POM121C: variants seen among roughly 807,000 people sequenced by gnomAD.
POM121C encodes the protein POM121 transmembrane nucleoporin C, also known as nuclear envelope pore membrane protein POM 121C.
A neutral mutation model predicts 66.4 loss-of-function variants in POM121C; 20 were observed. That is an observed-to-expected ratio of 0.30 (90% CI 0.21 to 0.44). The LOEUF (loss-of-function observed/expected upper bound fraction) is 0.44. POM121C is among the 20% of genes least tolerant of loss of function. The pLI is 1.00. For missense variants in POM121C, 580 were observed against 1,225.7 expected (o/e 0.47, Z 7.87); for synonymous variants, 286 against 528.0 (o/e 0.54, Z 6.28).
intron 7 of POM121C, among the ~76,000 whole-genome samples, chr7:75,432,249 A>G (rs1284013208): frequency 6.6e-6 from 1 of 151,986 alleles, no homozygotes; most frequent in Non-Finnish European, 1.5e-5. Context: ...TACTTTATGT[A>G]TACCGAAAGA....
At chr7:75,442,301 G>A (rs1790683722) in intron 3 of POM121C, 2 of 1,442,714 alleles carry the variant, frequency 1.4e-6, no homozygotes, top group Non-Finnish European at 1.8e-6. Context: ...CTGGCCCTCC[G>A]GAGCGGGGGC....
intron 3 of POM121C, among the ~76,000 whole-genome samples, chr7:75,474,170 G>C (rs1554479038): frequency 1.3e-5 from 2 of 152,090 alleles, no homozygotes; most frequent in African/African-American, 4.8e-5. Flanking sequence ...GAGGTGGGTG[G>C]ATCACTTGAG....
At chr7:75,476,302 A>G (rs1792073698) in intron 1 of POM121C, among the ~76,000 whole-genome samples, 2 of 151,726 alleles carry the variant, frequency 1.3e-5, no homozygotes, top group Non-Finnish European at 2.9e-5. Flanking sequence ...AAAAAAAAAA[A>G]AAAAGAAAAA....
Position 75,424,092 on chromosome 7 carries a change from G to A in POM121C, c.1005C>T (p.Ser335=). 6.2e-7 allele frequency: 1 copy of A among 1,611,890 alleles called. No homozygotes were observed. The highest frequency in any genetic ancestry group is 8.5e-7 in the Non-Finnish European group (1 of 1,179,842). The part of the protein sequence containing the change: ...LAPSTNPLLE[S]LKKMQTPPSL... Reference sequence around the variant, plus strand: ...TCGGGGGAGTCTGCATCTTCTTCAAGCTCTCTAACAGTGGGTTGGTGCTTG... The same window carrying A: ...TCGGGGGAGTCTGCATCTTCTTCAAACTCTCTAACAGTGGGTTGGTGCTTG... The change falls in exon 12 of 15, where the codon AGC becomes AGT. Residue 335 remains serine (S), a synonymous_variant. Coordinates refer to ENST00000615331, the MANE Select transcript of POM121C (RefSeq NM_001099415.3).
intron 3 of POM121C, among the ~76,000 whole-genome samples, chr7:75,469,648 C>T (rs1198610067): frequency 6.6e-6 from 1 of 152,212 alleles, no homozygotes; most frequent in Non-Finnish European, 1.5e-5. Context: ...AAAGACAATC[C>T]TTATGATCCT....
intron 3 of POM121C, among the ~76,000 whole-genome samples, chr7:75,473,035 CAAAG>C (rs1328424780): frequency 1.3e-5 from 2 of 152,048 alleles, no homozygotes; most frequent in African/African-American, 2.4e-5. Context: ...TCACAGAAGA[CAAAG>C]AACACAAACC....
At position 75,419,403 on chromosome 7, in the gene POM121C, G is replaced by C. The variant is rs1554470291; in HGVS notation, c.2783C>G (p.Pro928Arg). 1 of 1,613,836 alleles carries C rather than the reference G, an allele frequency of 6.2e-7. No individual in the cohort carries two copies. Among genetic ancestry groups the C allele is most frequent in the South Asian group, 1.1e-5 (1 of 91,056 alleles). The change falls in exon 14 of 15, where the codon CCT becomes CGT. Residue 928 changes from proline to arginine, a missense_variant. Pro to Arg is a moderately radical substitution (Grantham distance 103, BLOSUM62 -2). Transcript: ENST00000615331. ...GCTGCTGCCCGATGTGCCCACTCCA[G>C]GCGCAGGGGTGTTCTGACCAAAGGT... The part of the protein sequence containing the change: ...TPTFGQNTPA[P>R]GVGTSGSSLS...
chr7:75,452,303 C>G (rs1791047683), intron 3 of POM121C, among the ~76,000 whole-genome samples: 1 of 151,442 alleles, frequency 6.6e-6, no homozygotes, highest in South Asian at 2.1e-4. Flanking sequence ...ACTAAAAATA[C>G]AAAAAATTTA....
In POM121C at chr7:75,418,665, C is replaced by G. The variant is rs1789569316; in HGVS notation, c.*131G>C. 8.7e-6 allele frequency: 12 copies of G among 1,378,492 alleles called. No homozygotes were observed. In the South Asian group the frequency reaches 9.6e-5, roughly 11 times the overall value. 85.4% of individuals were successfully genotyped at this position (1,378,492 alleles called of 1,614,324 possible). Reference sequence around the variant, plus strand: ...AAGGGCCCCAGGGCTGCCACTGCCCCCTGGCGGCTGAAGCCAGAGATCCGG... The same window carrying G: ...AAGGGCCCCAGGGCTGCCACTGCCCGCTGGCGGCTGAAGCCAGAGATCCGG... On this transcript the variant is annotated 3_prime_UTR_variant, in exon 15 of 15. Transcript: ENST00000615331.
In POM121C at chr7:75,441,097, G is replaced by C. The variant is rs1331242806; in HGVS notation, c.84C>G (p.Ser28Arg). ...SRSAIPEQII[S>R]STLSSPSSNA... Reference sequence around the variant, plus strand: ...TACTTGATGGTGACGACAGTGTTGAGCTGATTATCTGCTCTGGTCTATAAT... The same window carrying C: ...TACTTGATGGTGACGACAGTGTTGACCTGATTATCTGCTCTGGTCTATAAT... Residue 28 changes from serine (S) to arginine (R), a missense_variant, in exon 5 of 15, where the codon AGC becomes AGG. By Grantham distance (110) the Ser-to-Arg change is moderately radical. Coordinates refer to ENST00000615331, the MANE Select transcript of POM121C (RefSeq NM_001099415.3). 6.2e-7 allele frequency: 1 copy of C among 1,613,842 alleles called. No individual in the cohort carries two copies. Among genetic ancestry groups the C allele is most frequent in the Admixed American group, 1.7e-5 (1 of 59,998 alleles).
intron 6 of POM121C, among the ~76,000 whole-genome samples, chr7:75,438,441 C>A (rs1554473327): frequency 6.6e-6 from 1 of 152,178 alleles, no homozygotes; most frequent in Non-Finnish European, 1.5e-5. Flanking sequence ...TTTTTCTCCT[C>A]TGGGTTAATA....
intron 3 of POM121C, among the ~76,000 whole-genome samples, chr7:75,463,363 T>C: frequency 6.6e-6 from 1 of 151,554 alleles, no homozygotes. Flanking sequence ...AATAAAAAGT[T>C]GTACACAGAC....
chr7:75,468,051 G>T (rs1791730915), intron 3 of POM121C, among the ~76,000 whole-genome samples: 1 of 137,730 alleles, frequency 7.3e-6, no homozygotes, highest in South Asian at 2.5e-4. Flanking sequence ...AGAATTGCTT[G>T]AACTGAGGAG....
chr7:75,449,869 G>C (rs1199389153), intron 3 of POM121C, among the ~76,000 whole-genome samples: 1 of 152,076 alleles, frequency 6.6e-6, no homozygotes, highest in African/African-American at 2.4e-5. Flanking sequence ...ACAAAAATTA[G>C]CCAGGCGTGG....
chr7:75,449,929 C>T (rs55665596), intron 3 of POM121C, among the ~76,000 whole-genome samples: 4 of 152,080 alleles, frequency 2.6e-5, no homozygotes, highest in South Asian at 2.1e-4. Context: ...GCAGGAGAAT[C>T]GCTTGAACCC....
chr7:75,476,401 C>T (rs1792078443), intron 1 of POM121C, among the ~76,000 whole-genome samples: 1 of 152,072 alleles, frequency 6.6e-6, no homozygotes, highest in African/African-American at 2.4e-5. Flanking sequence ...CCTGCCCAAA[C>T]TTGCAGTTTA....
At chr7:75,483,523 G>T (rs1267194030) in intron 1 of POM121C, among the ~76,000 whole-genome samples, 4 of 151,948 alleles carry the variant, frequency 2.6e-5, no homozygotes, top group Admixed American at 1.3e-4. Context: ...CCTCAGCCAC[G>T]CTTCCTATGA....
intron 3 of POM121C, chr7:75,442,192 G>C: frequency 1.5e-6 from 2 of 1,292,620 alleles, no homozygotes; most frequent in Non-Finnish European, 2.0e-6. Flanking sequence ...TGGGGAGAGA[G>C]GGGTAAAAGT....
At chr7:75,454,692 A>G (rs587694903) in intron 3 of POM121C, among the ~76,000 whole-genome samples, 2 of 152,398 alleles carry the variant, frequency 1.3e-5, no homozygotes, top group African/African-American at 4.8e-5. Context: ...CAGATAAAGT[A>G]AAGGAAGACT....
Sources: gnomAD v4.1 joint callset for allele counts (sites outside exome capture counted in the v4.1 genomes callset) on GRCh38, gnomAD v4.1.1 for gene constraint, MANE v1.5 for transcripts, NCBI Gene and HGNC (gene_info 2026-07-23, HGNC 2026-07-21) for gene names.